LANCL1: variants seen among roughly 807,000 people sequenced by gnomAD.
LANCL1 encodes the protein LanC like glutathione S-transferase 1.
LANCL1 carries 50 observed loss-of-function variants against 50.6 expected under a neutral mutation model. The ratio of observed to expected loss-of-function variants is 0.99; its 90% CI spans 0.79 to 1.25. The LOEUF is 1.25. Among genes scored for constraint, LANCL1 ranks in the 50% most tolerant of loss-of-function variants. The probability of loss-of-function intolerance (pLI) is 0.00; values close to 1 mark genes in which losing one functional copy is unlikely to be tolerated. For missense variants in LANCL1, 532 were observed against 480.7 expected, an observed-to-expected ratio of 1.11 and a Z score of -1.00; for synonymous variants, 188 against 178.6, an observed-to-expected ratio of 1.05 and a Z score of -0.42.
chr2:210,438,661 C>A (rs186904891), intron 6 of LANCL1, among the ~76,000 whole-genome samples: 53 of 152,208 alleles, frequency 3.5e-4, no homozygotes, highest in Admixed American at 9.8e-4. Context: ...AGGATACTAA[C>A]AAGTTAAGAG....
upstream of LANCL1, chr2:210,477,510 G>A (rs914864902): frequency 1.5e-6 from 2 of 1,290,402 alleles, no homozygotes; most frequent in African/African-American, 3.0e-5. Flanking sequence ...TAAAAAGTCA[G>A]CCTCACTCTC....
At chr2:210,477,464 GC>G, upstream of LANCL1, 1 of 1,210,646 alleles carries the variant, frequency 8.3e-7, no homozygotes. Flanking sequence ...TACATATTAG[GC>G]CCATTCTATT....
In LANCL1 at chr2:210,434,311, G is replaced by A; in HGVS notation, c.*176C>T. ...AAAAGACTTCCTTGGATACTTCTAAGTAAAAGTAAATGATAATGGAAGGGA... is the reference window on the plus strand; with the variant it reads ...AAAAGACTTCCTTGGATACTTCTAAATAAAAGTAAATGATAATGGAAGGGA... On this transcript the variant is annotated 3_prime_UTR_variant, in exon 10 of 10. Transcript: ENST00000450366. The A allele has an allele frequency of 3.6e-6, 2 of 554,836 alleles. No individual in the cohort carries two copies. The highest frequency in any genetic ancestry group is 6.4e-6 in the Non-Finnish European group (2 of 313,732). 34.4% of individuals were successfully genotyped at this position (554,836 alleles called of 1,614,324 possible).
In LANCL1 at chr2:210,437,689, C is replaced by T. The variant is rs778453619; in HGVS notation, c.873+1G>A. The T allele has an allele frequency of 1.7e-5, 26 of 1,558,626 alleles. No homozygotes were observed. The African/African-American group carries it at 2.8e-4, about 16-fold the overall frequency. ...ATTTATTTCAAAAATACACACAGTA[C>T]CTTATAGGCCTGGATGAGCATGTAG... On this transcript the variant is annotated splice_donor_variant, in intron 7 of 9. Transcript: ENST00000450366. LOFTEE classifies it high-confidence loss of function.
rs1693624371 is a variant in LANCL1 at position 210,455,116 on chromosome 2, C to G, written c.398G>C (p.Cys133Ser). 1 of 1,612,564 alleles carries G rather than the reference C, an allele frequency of 6.2e-7. No individual in the cohort carries two copies. Among genetic ancestry groups the G allele is most frequent in the Admixed American group, 1.7e-5 (1 of 59,898 alleles). The stretch of plus-strand genomic sequence containing the variant: ...ATAGAAACATGATTACCGTGTGATG[C>G]AATCTTCTGCCTGCTTCTCATTGTT... ...KMNNEKQAED[C>S]ITRLIHLNKI... Residue 133 changes from cysteine (C) to serine (S), a missense_variant, in exon 4 of 10, where the codon TGC becomes TCC. By Grantham distance (112) the Cys-to-Ser change is moderately radical. Transcript: ENST00000450366.
rs1041844628 is a variant in LANCL1, at chr2:210,476,731, C to G, written c.-128G>C. The G allele has an allele frequency of 2.5e-5, 27 of 1,098,514 alleles. No homozygotes were observed. The highest frequency in any genetic ancestry group is 2.7e-5 in the Non-Finnish European group (24 of 900,024). 68.0% of individuals were successfully genotyped at this position (1,098,514 alleles called of 1,614,324 possible). On this transcript the variant is annotated 5_prime_UTR_variant, in exon 1 of 10. Transcript: ENST00000450366. ...GGCCCTGGCCTCTCACCCCGCAGCC[C>G]CGGACAGTAACAGAAGGGCTATTTT...
At chr2:210,460,697 C>A (rs1693826915) in intron 3 of LANCL1, 1 of 152,208 alleles carries the variant, frequency 6.6e-6, no homozygotes, top group Non-Finnish European at 1.5e-5. Flanking sequence ...GAACTGTCAA[C>A]AATCCACTGA....
At chr2:210,465,828 G>T (rs1389025270) in intron 3 of LANCL1, among the ~76,000 whole-genome samples, 1 of 152,190 alleles carries the variant, frequency 6.6e-6, no homozygotes, top group African/African-American at 2.4e-5. Flanking sequence ...AAGGCTATCT[G>T]CCTGAAAAGG....
At chr2:210,453,054 T>C (rs3755186) in intron 4 of LANCL1, among the ~76,000 whole-genome samples, 20,330 of 152,138 alleles carry the variant, frequency 0.13, 1,724 homozygotes, top group African/African-American at 0.22. Context: ...TCCAAGTCAT[T>C]CTTTTTCTGT....
intron 4 of LANCL1, among the ~76,000 whole-genome samples, chr2:210,451,650 G>A (rs1413256009): frequency 6.6e-6 from 1 of 152,110 alleles, no homozygotes; most frequent in African/African-American, 2.4e-5. Context: ...GAGAGACTAA[G>A]GTTTAGAGTA....
At chr2:210,439,112 T>C (rs1231850854) in intron 6 of LANCL1, among the ~76,000 whole-genome samples, 1 of 152,204 alleles carries the variant, frequency 6.6e-6, no homozygotes, top group Non-Finnish European at 1.5e-5. Flanking sequence ...ATGAGTGGAC[T>C]CTCCTCAAAC....
At chr2:210,445,529 G>A (rs1185429197) in intron 4 of LANCL1, among the ~76,000 whole-genome samples, 3 of 151,898 alleles carry the variant, frequency 2.0e-5, no homozygotes, top group East Asian at 3.9e-4. Flanking sequence ...CATTAGTTGG[G>A]TTCGATGATT....
chr2:210,469,587 G>A (rs950218608), intron 3 of LANCL1, among the ~76,000 whole-genome samples: 1 of 152,136 alleles, frequency 6.6e-6, no homozygotes, highest in Non-Finnish European at 1.5e-5. Context: ...TGCCTCAGAT[G>A]CTTGCCATAT....
chr2:210,446,358 A>C (rs1693328705), intron 4 of LANCL1, among the ~76,000 whole-genome samples: 1 of 152,172 alleles, frequency 6.6e-6, no homozygotes, highest in South Asian at 2.1e-4. Flanking sequence ...AAGGTCACCA[A>C]CGTCAAAGAC....
intron 9 of LANCL1, among the ~76,000 whole-genome samples, chr2:210,434,787 G>A (rs987742787): frequency 1.3e-5 from 2 of 151,864 alleles, no homozygotes; most frequent in African/African-American, 4.8e-5. Context: ...CTCCTCCTTC[G>A]GCATCCTATG....
intron 3 of LANCL1, among the ~76,000 whole-genome samples, chr2:210,464,542 G>A (rs1693977402): frequency 6.6e-6 from 1 of 151,924 alleles, no homozygotes; most frequent in African/African-American, 2.4e-5. Context: ...GAACTGTGTA[G>A]ACCAGAAATA....
At chr2:210,473,550 T>C (rs995615512) in intron 2 of LANCL1, among the ~76,000 whole-genome samples, 4 of 152,206 alleles carry the variant, frequency 2.6e-5, no homozygotes, top group Non-Finnish European at 4.4e-5. Flanking sequence ...CATGTAAGGA[T>C]TGTAGAAATA....
chr2:210,474,028 G>C (rs1694291135), intron 2 of LANCL1, among the ~76,000 whole-genome samples: 2 of 152,164 alleles, frequency 1.3e-5, no homozygotes, highest in Non-Finnish European at 1.5e-5. Context: ...AGAATAATGA[G>C]AATCTCTCAG....
chr2:210,460,494 G>A (rs1693819174), intron 3 of LANCL1: 2 of 151,998 alleles, frequency 1.3e-5, no homozygotes, highest in African/African-American at 4.8e-5. Flanking sequence ...AAAATAAGAA[G>A]TGAAAGTATT....
Sources: gnomAD v4.1 joint callset for allele counts (sites outside exome capture counted in the v4.1 genomes callset) on GRCh38, gnomAD v4.1.1 for gene constraint, MANE v1.5 for transcripts, NCBI Gene and HGNC (gene_info 2026-07-23, HGNC 2026-07-21) for gene names.